POLR3E: variants seen among roughly 807,000 people sequenced by gnomAD.
POLR3E encodes RNA polymerase III subunit E, also known as DNA-directed RNA polymerase III subunit RPC5.
A neutral mutation model predicts 96.6 loss-of-function variants in POLR3E; 41 were observed. That is an observed-to-expected ratio of 0.42 (90% CI 0.33 to 0.55). POLR3E has a LOEUF of 0.55. POLR3E is among the 20% of genes least tolerant of loss of function. The pLI, the probability that POLR3E is intolerant of heterozygous loss-of-function variation, is 0.06. For missense variants in POLR3E, 849 were observed against 952.1 expected (o/e 0.89, Z 1.43); for synonymous variants, 396 against 383.6 (o/e 1.03, Z -0.38).
intron 1 of POLR3E, chr16:22,299,091 G>A: frequency 6.6e-6 from 3 of 455,332 alleles, no homozygotes; most frequent in Non-Finnish European, 1.3e-5. Flanking sequence ...GATGTGGTAG[G>A]GCCTGGGAGG....
intron 1 of POLR3E, among the ~76,000 whole-genome samples, chr16:22,298,455 G>T (rs2047944085): frequency 6.6e-6 from 1 of 152,190 alleles, no homozygotes; most frequent in African/African-American, 2.4e-5. Context: ...CCCCGCAGGG[G>T]TCTGGAGGTC....
At chr16:22,301,300 G>C (rs936449168) in intron 1 of POLR3E, among the ~76,000 whole-genome samples, 1 of 152,172 alleles carries the variant, frequency 6.6e-6, no homozygotes, top group Non-Finnish European at 1.5e-5. Flanking sequence ...TTTGGCTTTT[G>C]TCTAGGTGTG....
At position 22,334,724 on chromosome 16, in the gene POLR3E, G is replaced by C. The variant is rs2048814766; in HGVS notation, c.*1024G>C. On this transcript the variant is annotated 3_prime_UTR_variant, in exon 21 of 21. Coordinates refer to ENST00000299853, the MANE Select transcript of POLR3E (RefSeq NM_018119.4). ...TTTCCTCAACACTCAGTTTGGACTA[G>C]CCACATCATAAGTGCTCCGATGCCA... 6.6e-6 allele frequency: 1 copy of C among 152,122 alleles called. No homozygotes were observed. Among genetic ancestry groups the C allele is most frequent in the South Asian group, 2.1e-4 (1 of 4,832 alleles). The allele number at this position is 152,122 out of a possible 1,614,324, so 9.4% of individuals were successfully genotyped here.
chr16:22,314,250 C>T, intron 8 of POLR3E, 122 bp downstream of exon 8: 1 of 755,896 alleles, frequency 1.3e-6, no homozygotes, highest in Non-Finnish European at 2.3e-6. Context: ...TTTGAGCCTT[C>T]TTGCTGGGCT....
intron 10 of POLR3E, 145 bp from the exon 11 acceptor site, chr16:22,316,850 C>A (rs1258332866): frequency 2.5e-5 from 24 of 964,584 alleles, no homozygotes; most frequent in Non-Finnish European, 3.5e-5. Context: ...AGAGATGGTC[C>A]ACTTTTCTGC....
rs2048301804 is a variant in POLR3E, at chr16:22,313,988, C to T, written c.473-91C>T. 4.3e-6 allele frequency: 5 copies of T among 1,167,474 alleles called. No homozygotes were observed. The highest frequency in any genetic ancestry group is 2.4e-5 in the East Asian group (1 of 42,496). The allele number at this position is 1,167,474 out of a possible 1,614,324, so 72.3% of individuals were successfully genotyped here. On this transcript the variant is annotated intron_variant, in intron 7 of 20. Coordinates refer to ENST00000299853, the MANE Select transcript of POLR3E (RefSeq NM_018119.4). This position sits in a 1 kb window ranked among gnomAD's most constrained non-coding sequence, Gnocchi z 4.1. ...CCCTCTGCGAGGAGAACTCCCAGCA[C>T]CCCGGCCTGAGGCTTCCCTGGCGGG... is the stretch of plus-strand genomic sequence containing the variant.
intron 17 of POLR3E, 88 bp downstream of exon 17, chr16:22,325,354 C>A: frequency 9.3e-7 from 1 of 1,074,492 alleles, no homozygotes; most frequent in African/African-American, 1.6e-5. Context: ...CAGGCCCGGA[C>A]CTGGAGAGGG....
chr16:22,316,463 G>A, intron 9 of POLR3E, 138 bp from the exon 10 acceptor site: 2 of 648,386 alleles, frequency 3.1e-6, no homozygotes, highest in Non-Finnish European at 5.5e-6. Context: ...CACGTCAGAG[G>A]CCTTGGGTGC....
At chr16:22,317,277 C>T in intron 12 of POLR3E, 71 bp downstream of exon 12, 2 of 1,109,600 alleles carry the variant, frequency 1.8e-6, no homozygotes, top group Non-Finnish European at 2.7e-6. Flanking sequence ...CTCTGTGGGA[C>T]AGTGAGGACC....
At chr16:22,305,465 C>G (rs1567309256) in intron 3 of POLR3E, 1 of 677,802 alleles carries the variant, frequency 1.5e-6, no homozygotes, top group South Asian at 1.5e-5. Flanking sequence ...TGAGATCCAA[C>G]TCCATCACAC....
At chr16:22,311,501 G>GTT (rs145739648) in intron 6 of POLR3E, among the ~76,000 whole-genome samples, 1 of 144,998 alleles carries the variant, frequency 6.9e-6, no homozygotes, top group Middle Eastern at 3.5e-3. Flanking sequence ...TTGTTTTGGG[G>GTT]TTTTTTTTTT....
At position 22,319,269 on chromosome 16, in the gene POLR3E, G is replaced by A. The variant is rs117936975; in HGVS notation, c.986+323G>A. ...ATTATAGGCGTGAGCCACCGGGCCCGGCCTACGCTGTATTCTCTTAATGGG... is the reference window on the plus strand; with the variant it reads ...ATTATAGGCGTGAGCCACCGGGCCCAGCCTACGCTGTATTCTCTTAATGGG... On this transcript the variant is annotated intron_variant, in intron 13 of 20. Coordinates refer to ENST00000299853, the MANE Select transcript of POLR3E (RefSeq NM_018119.4). Among the ~76,000 whole-genome samples, 742 of 152,222 alleles carry A rather than the reference G, an allele frequency of 4.9e-3. 4 individuals carry two copies. Among genetic ancestry groups the A allele is most frequent in the South Asian group, 0.01 (49 of 4,824 alleles).
chr16:22,315,001 G>T, intron 8 of POLR3E, 88 bp from the exon 9 acceptor site: 1 of 1,425,466 alleles, frequency 7.0e-7, no homozygotes. Context: ...CCTATACGGA[G>T]TTCTCTGGTC....
At position 22,326,266 on chromosome 16, in the gene POLR3E, G is replaced by A. The variant is rs750931280; in HGVS notation, c.1854G>A (p.Gln618=). The change falls in exon 18 of 21, where the codon CAG becomes CAA. Residue 618 remains glutamine, a synonymous_variant. Transcript: ENST00000299853. ...CGGTGCTGGCCGCCGGTTGCAAGCA[G>A]ATACTGGTGCCTGTAAGTAGAGCCC... ...QDTVLAAGCK[Q]ILVPFPPQTA... is the part of the protein sequence containing the mutation. 2.1e-6 allele frequency: 3 copies of A among 1,398,936 alleles called. No homozygotes were observed. In the South Asian group the frequency reaches 3.4e-5, roughly 16 times the overall value. The allele number at this position is 1,398,936 out of a possible 1,614,324, so 86.7% of individuals were successfully genotyped here.
rs999386396 is a variant in POLR3E at position 22,313,301 on chromosome 16, C to A, written c.365-319C>A. 6.6e-6 allele frequency among the ~76,000 whole-genome samples: 1 copy of A among 152,202 alleles called. No homozygotes were observed. Among genetic ancestry groups the A allele is most frequent in the Non-Finnish European group, 1.5e-5 (1 of 68,034 alleles). On this transcript the variant is annotated intron_variant, in intron 6 of 20. Transcript: ENST00000299853. The surrounding 1 kb of genome is among the most constrained non-coding windows in gnomAD (Gnocchi z 4.1). ...GCAGGGCGAATTTGATGAGGATTAG[C>A]TGCCTAGTGTTGCAAAGCGAGCAGC...
intron 1 of POLR3E, among the ~76,000 whole-genome samples, chr16:22,299,539 G>A (rs1300758614): frequency 1.3e-5 from 2 of 149,900 alleles, no homozygotes; most frequent in East Asian, 2.0e-4. Context: ...TCAGCCTCCC[G>A]AGTAGCTGGG....
At chr16:22,306,743 G>A (rs1035846410) in intron 3 of POLR3E, among the ~76,000 whole-genome samples, 1 of 152,216 alleles carries the variant, frequency 6.6e-6, no homozygotes, top group African/African-American at 2.4e-5. Context: ...TATATGCCTG[G>A]TAGCAGAATT....
At chr16:22,327,474 G>A (rs942848875) in intron 18 of POLR3E, 1 of 152,288 alleles carries the variant, frequency 6.6e-6, no homozygotes, top group African/African-American at 2.4e-5. Flanking sequence ...GGTGAGGGGT[G>A]GGACATGGCC....
In POLR3E at chr16:22,298,191, C is replaced by T. The variant is rs370398771; in HGVS notation, c.-39+654C>T. Among the ~76,000 whole-genome samples the T allele has an allele frequency of 5.3e-5, 8 of 152,290 alleles. No homozygotes were observed. The East Asian group carries it at 5.8e-4, about 11-fold the overall frequency. ...GTTCCTTTGGGTTAGCTTTAGAATT[C>T]CTTGGGCTTGGAGGCGGAAAGAAGA... is the stretch of plus-strand genomic sequence containing the variant. On this transcript the variant is annotated intron_variant, in intron 1 of 20. Transcript: ENST00000299853.
Sources: gnomAD v4.1 joint callset for allele counts (sites outside exome capture counted in the v4.1 genomes callset) on GRCh38, gnomAD v4.1.1 for gene constraint, Gnocchi (gnomAD v3.1) non-coding constraint, MANE v1.5 for transcripts, NCBI Gene and HGNC (gene_info 2026-07-23, HGNC 2026-07-21) for gene names.